The following VAV2 variants were observed in gnomAD, a reference collection of about 807,000 sequenced individuals.
The protein encoded by VAV2 is vav guanine nucleotide exchange factor 2, also known as guanine nucleotide exchange factor VAV2.
In VAV2, 67 loss-of-function variants were observed where a neutral mutation model predicts 132.5. The observed-to-expected ratio is 0.51, with a 90% CI of 0.42 to 0.62. The LOEUF (loss-of-function observed/expected upper bound fraction) is 0.62, where lower values mean the gene tolerates loss of function less well. VAV2 is among the 20% of genes least tolerant of loss of function. The pLI is 0.00. For synonymous variants in VAV2, 492 were observed against 443.5 expected (o/e 1.11, Z -1.37); for missense variants, 938 against 1,153.6 (o/e 0.81, Z 2.71).
rs550206093 is a variant in VAV2 at position 133,861,202 on chromosome 9, C to T, written c.380+172G>A. 1.2e-4 allele frequency: 75 copies of T among 650,080 alleles called. No homozygotes were observed. The Admixed American group carries it at 1.3e-3, about 11-fold the overall frequency. 40.3% of individuals were successfully genotyped at this position (650,080 alleles called of 1,614,324 possible). Reference sequence around the variant, plus strand: ...CGGTGTGAGCTGAAGCCTCCCGCCCCCCACACCCCTTCCTGCAGCCGCCAA... The same window carrying T: ...CGGTGTGAGCTGAAGCCTCCCGCCCTCCACACCCCTTCCTGCAGCCGCCAA... On this transcript the variant is annotated intron_variant, in intron 3 of 29. Transcript: ENST00000371850.
At chr9:133,822,725 GC>G (rs1427162441) in intron 4 of VAV2, among the ~76,000 whole-genome samples, 4 of 152,172 alleles carry the variant, frequency 2.6e-5, no homozygotes, top group Non-Finnish European at 4.4e-5. Context: ...GTCCCTCCTG[GC>G]CGTAACTCCC....
At position 133,928,987 on chromosome 9, in the gene VAV2, C is replaced by T. The variant is rs1840579009; in HGVS notation, c.321+10116G>A. 6.6e-6 allele frequency among the ~76,000 whole-genome samples: 1 copy of T among 152,208 alleles called. No homozygotes were observed. The highest frequency in any genetic ancestry group is 6.5e-5 in the Admixed American group (1 of 15,290). ...ATCACAGCACCACTCCCAGGAGCTT[C>T]CTCACGAGACCCAGCCCATGAAAAC... On this transcript the variant is annotated intron_variant, in intron 2 of 29. Transcript: ENST00000371850. The surrounding 1 kb of genome is among the most constrained non-coding windows in gnomAD (Gnocchi z 5.4).
At chr9:133,828,764 G>A (rs918601735) in intron 4 of VAV2, among the ~76,000 whole-genome samples, 6 of 152,168 alleles carry the variant, frequency 3.9e-5, no homozygotes, top group South Asian at 2.1e-4. Flanking sequence ...AGCACAATAC[G>A]CTGGACTTGC....
In VAV2 at chr9:133,912,687, A is replaced by G. The variant is rs1839925902; in HGVS notation, c.321+26416T>C. Among the ~76,000 whole-genome samples, 1 of 152,152 alleles carries G rather than the reference A, an allele frequency of 6.6e-6. No homozygotes were observed. The highest frequency in any genetic ancestry group is 1.5e-5 in the Non-Finnish European group (1 of 68,034). On this transcript the variant is annotated intron_variant, in intron 2 of 29. Coordinates refer to ENST00000371850, the MANE Select transcript of VAV2 (RefSeq NM_001134398.2). The surrounding 1 kb of genome is among the most constrained non-coding windows in gnomAD (Gnocchi z 4.3). ...GGCGCTCCCAAGCTGTCAGGCAGCC[A>G]TCCTCAGGGGCTGCAGTCACCGGTG...
intron 1 of VAV2, among the ~76,000 whole-genome samples, chr9:133,949,756 G>A (rs543048276): frequency 2.0e-5 from 3 of 152,326 alleles, no homozygotes; most frequent in South Asian, 2.1e-4. Context: ...CCTGCAGCAC[G>A]CAGGCAGCCC....
chr9:133,810,980 C>T (rs967066798), intron 5 of VAV2, among the ~76,000 whole-genome samples: 3 of 152,208 alleles, frequency 2.0e-5, no homozygotes, highest in Admixed American at 6.5e-5. Context: ...GCTCGCCGGC[C>T]GCCTCGGGAC....
chr9:133,973,703 G>A lies in VAV2; in HGVS notation c.204+18372C>T, dbSNP rs549453349. Among the ~76,000 whole-genome samples, 12 of 152,320 alleles carry A rather than the reference G, an allele frequency of 7.9e-5. No homozygotes were observed. The South Asian group carries it at 2.1e-3, about 26-fold the overall frequency. On this transcript the variant is annotated intron_variant, in intron 1 of 29. Coordinates refer to ENST00000371850, the MANE Select transcript of VAV2 (RefSeq NM_001134398.2). ...AGGAACCCTAGATACCCCGCACAAG[G>A]GTGACGCCCTCGCCCTTTGTCCCTG...
At chr9:133,815,145 C>T (rs985983254) in intron 4 of VAV2, among the ~76,000 whole-genome samples, 1 of 152,094 alleles carries the variant, frequency 6.6e-6, no homozygotes, top group East Asian at 1.9e-4. Context: ...TGCTTTGAAG[C>T]CCGGGTGGAC....
intron 2 of VAV2, among the ~76,000 whole-genome samples, chr9:133,904,218 G>T (rs1374422956): frequency 6.6e-6 from 1 of 152,126 alleles, no homozygotes; most frequent in Non-Finnish European, 1.5e-5. Context: ...CATTCTAAAG[G>T]GAACCACTCT....
intron 1 of VAV2, among the ~76,000 whole-genome samples, chr9:133,964,038 T>TATAC (rs1842055601): frequency 2.0e-5 from 2 of 101,148 alleles, no homozygotes; most frequent in Admixed American, 1.1e-4. Context: ...TATATATATA[T>TATAC]ATATATATAT....
intron 1 of VAV2, among the ~76,000 whole-genome samples, chr9:133,968,417 TG>T (rs1051880227): frequency 6.6e-6 from 1 of 151,972 alleles, no homozygotes; most frequent in East Asian, 1.9e-4. Context: ...GAAAAGGTTG[TG>T]GGGGGGAAAA....
chr9:133,776,109 G>GC (rs759585251), intron 23 of VAV2, 29 bp from the exon 24 acceptor site: 1 of 1,610,410 alleles, frequency 6.2e-7, no homozygotes, highest in South Asian at 1.1e-5. Flanking sequence ...AGTGTTAACG[G>GC]CCCCCCAGGG....
chr9:133,957,107 C>T (rs1222406983), intron 1 of VAV2, among the ~76,000 whole-genome samples: 1 of 152,212 alleles, frequency 6.6e-6, no homozygotes, highest in Admixed American at 6.5e-5. Flanking sequence ...AGCCTACCCT[C>T]TGGTGCTCTC....
Position 133,969,219 on chromosome 9 carries a change from C to G in VAV2, c.204+22856G>C, listed in dbSNP as rs12685655. ...GCCCGCCGGGCCTGCGAGGACGAGC[C>G]TCTGCACCTGCTTCCCTCCTGCCGG... On this transcript the variant is annotated intron_variant, in intron 1 of 29. Transcript: ENST00000371850. The surrounding 1 kb of genome is among the most constrained non-coding windows in gnomAD (Gnocchi z 5.1). Among the ~76,000 whole-genome samples the G allele has an allele frequency of 1.8e-3, 267 of 150,120 alleles. 1 individual carries two copies. The highest frequency in any genetic ancestry group is 0.012 in the East Asian group (64 of 5,164).
chr9:133,844,753 T>C (rs1836863172), intron 3 of VAV2, among the ~76,000 whole-genome samples: 1 of 151,684 alleles, frequency 6.6e-6, no homozygotes, highest in Non-Finnish European at 1.5e-5. Context: ...GTGGACAGAG[T>C]GACTAATGAG....
At chr9:133,880,248 G>A (rs1454804448) in intron 2 of VAV2, among the ~76,000 whole-genome samples, 2 of 152,228 alleles carry the variant, frequency 1.3e-5, no homozygotes, top group Admixed American at 6.5e-5. Context: ...GTGCCCCACC[G>A]GAGGAAAGAG....
At chr9:133,904,160 TGGTGGG>T (rs1564452373) in intron 2 of VAV2, among the ~76,000 whole-genome samples, 2 of 152,172 alleles carry the variant, frequency 1.3e-5, no homozygotes, top group East Asian at 3.9e-4. Context: ...GCCCGTGTCC[TGGTGGG>T]CCGGCTCCAG....
rs185470996 is a variant in VAV2 at position 133,773,133 on chromosome 9, C to G, written c.2136-1087G>C. Among the ~76,000 whole-genome samples, 137 of 135,252 alleles carry G rather than the reference C, an allele frequency of 1.0e-3. 1 individual carries two copies. In the East Asian group the frequency reaches 0.016, roughly 16 times the overall value. The allele number at this position is 135,252 out of a possible 152,430, so 88.7% of individuals were successfully genotyped here. A position where few individuals can be genotyped will look rare whatever the true frequency, so the allele number is the denominator to read the frequency against. On this transcript the variant is annotated intron_variant, in intron 25 of 29. Transcript: ENST00000371850. ...CTGCACACCCCACACCTAGGCTGGA[C>G]AGCAGAGCCTACTGCACACCCCACA...
intron 2 of VAV2, among the ~76,000 whole-genome samples, chr9:133,933,814 GAAT>G (rs1840785909): frequency 6.8e-6 from 1 of 146,950 alleles, no homozygotes; most frequent in Non-Finnish European, 1.5e-5. Context: ...AATGATGGAT[GAAT>G]GGATGAGTGG....
Sources: allele counts gnomAD v4.1 joint callset (sites outside exome capture counted in the v4.1 genomes callset), GRCh38; gene constraint gnomAD v4.1.1; non-coding constraint Gnocchi (gnomAD v3.1); transcripts MANE v1.5; gene names NCBI Gene and HGNC (gene_info 2026-07-23, HGNC 2026-07-21).